MYO3B: variants seen among roughly 807,000 people sequenced by gnomAD.
MYO3B encodes myosin-IIIb.
MYO3B carries 156 observed loss-of-function variants against 174.6 expected under a neutral mutation model. The ratio of observed to expected loss-of-function variants is 0.89; its 90% CI spans 0.78 to 1.02. MYO3B has a LOEUF of 1.02. Among genes scored for constraint, MYO3B ranks in the 50% least tolerant of loss-of-function variants. The pLI is 0.00. For synonymous variants in MYO3B, 563 were observed against 569.1 expected (o/e 0.99, Z 0.15); for missense variants, 1,632 against 1,639.4 (o/e 1.00, Z 0.08).
At chr2:170,225,722 A>T (rs1283145385) in intron 6 of MYO3B, among the ~76,000 whole-genome samples, 1 of 152,206 alleles carries the variant, frequency 6.6e-6, no homozygotes, top group Non-Finnish European at 1.5e-5. Flanking sequence ...CCTGCTACCC[A>T]TATAACCAGT....
At chr2:170,602,892 C>A (rs528472532) in intron 32 of MYO3B, among the ~76,000 whole-genome samples, 1 of 152,174 alleles carries the variant, frequency 6.6e-6, no homozygotes, top group East Asian at 1.9e-4. Context: ...CATGGAGAAA[C>A]CCTGTCTCTA....
chr2:170,585,567 T>C (rs7566376), intron 32 of MYO3B, among the ~76,000 whole-genome samples: 15,364 of 152,082 alleles, frequency 0.1, 935 homozygotes, highest in African/African-American at 0.18. Context: ...TAGGCACAGG[T>C]ACTTTCTTGG....
intron 34 of MYO3B, 117 bp downstream of exon 34, chr2:170,652,271 C>A: frequency 2.4e-6 from 2 of 819,426 alleles, no homozygotes; most frequent in South Asian, 3.4e-5. Context: ...CCAGATATTG[C>A]CACTCTTATT....
At chr2:170,207,087 G>A (rs2092720665) in intron 3 of MYO3B, among the ~76,000 whole-genome samples, 1 of 152,120 alleles carries the variant, frequency 6.6e-6, no homozygotes, top group Non-Finnish European at 1.5e-5. Flanking sequence ...GACACCCCTT[G>A]TTATCAAGAG....
chr2:170,619,435 A>AG (rs1322387010), intron 32 of MYO3B, among the ~76,000 whole-genome samples: 31 of 152,186 alleles, frequency 2.0e-4, no homozygotes, highest in Admixed American at 2.0e-3. Context: ...CAATAGTTTC[A>AG]GGGGGTCTCC....
intron 7 of MYO3B, among the ~76,000 whole-genome samples, chr2:170,275,820 A>G (rs2105379641): frequency 6.6e-6 from 1 of 152,320 alleles, no homozygotes; most frequent in South Asian, 2.1e-4. Context: ...TTTACCTTAA[A>G]TGATAGTGTT....
intron 7 of MYO3B, among the ~76,000 whole-genome samples, chr2:170,326,081 C>T (rs71415208): frequency 0.074 from 11,245 of 151,748 alleles, 755 homozygotes; most frequent in Admixed American, 0.21. Context: ...TTAACTATAC[C>T]CCGGCCCTCC....
intron 14 of MYO3B, among the ~76,000 whole-genome samples, chr2:170,388,145 A>T (rs1188009485): frequency 6.6e-6 from 1 of 152,230 alleles, no homozygotes; most frequent in South Asian, 2.1e-4. Context: ...ATATTAATGC[A>T]TTATTGAATC....
intron 7 of MYO3B, among the ~76,000 whole-genome samples, chr2:170,299,211 T>A (rs1189390828): frequency 1.3e-5 from 2 of 152,192 alleles, no homozygotes; most frequent in Non-Finnish European, 2.9e-5. Context: ...GAGGGAAGGA[T>A]AGTGTCTTAA....
chr2:170,241,605 G>C (rs1165830593), intron 7 of MYO3B, among the ~76,000 whole-genome samples: 1 of 152,190 alleles, frequency 6.6e-6, no homozygotes, highest in Non-Finnish European at 1.5e-5. Context: ...GTGAAACGGA[G>C]AGAGTTTGGA....
Position 170,652,893 on chromosome 2 carries a change from C to T in MYO3B, c.3888-90C>T. The T allele has an allele frequency of 2.1e-6, 3 of 1,462,424 alleles. No individual in the cohort carries two copies. In the South Asian group the frequency reaches 3.7e-5, roughly 18 times the overall value. 90.6% of individuals were successfully genotyped at this position (1,462,424 alleles called of 1,614,324 possible). A position where few individuals can be genotyped will look rare whatever the true frequency, so the allele number is the denominator to read the frequency against. Reference sequence around the variant, plus strand: ...CCAGTGTTGGAGCCCAACCCTGTTCCAGCTACTCACATGACTTTAGCTGCC... The same window carrying T: ...CCAGTGTTGGAGCCCAACCCTGTTCTAGCTACTCACATGACTTTAGCTGCC... On this transcript the variant is annotated intron_variant, in intron 34 of 34. Coordinates refer to ENST00000408978, the MANE Select transcript of MYO3B (RefSeq NM_138995.5).
rs1404392100 is a variant in MYO3B at position 170,602,492 on chromosome 2, A to G, written c.3734-49136A>G. ...ACTTATAACAAAGTTTTGAATGCAGAGTGAATCACTGTTAATAGGATTTGT... is the reference window on the plus strand; with the variant it reads ...ACTTATAACAAAGTTTTGAATGCAGGGTGAATCACTGTTAATAGGATTTGT... On this transcript the variant is annotated intron_variant, in intron 32 of 34. Transcript: ENST00000408978. Among the ~76,000 whole-genome samples the G allele has an allele frequency of 6.1e-4, 93 of 152,204 alleles. 1 individual carries two copies. Among genetic ancestry groups the G allele is most frequent in the Admixed American group, 6.1e-3 (93 of 15,282 alleles).
At chr2:170,407,878 A>C in intron 22 of MYO3B, 34 bp downstream of exon 22, 1 of 1,610,908 alleles carries the variant, frequency 6.2e-7, no homozygotes, top group East Asian at 2.2e-5. Context: ...CCTGCTCTTA[A>C]AGCTTTTGCA....
intron 30 of MYO3B, among the ~76,000 whole-genome samples, chr2:170,538,648 G>A (rs1689880617): frequency 6.6e-6 from 1 of 152,132 alleles, no homozygotes; most frequent in Non-Finnish European, 1.5e-5. Context: ...TTGTCTGGGG[G>A]CTTTTTCAGG....
chr2:170,396,474 C>A (rs2094442508), intron 16 of MYO3B, among the ~76,000 whole-genome samples: 1 of 151,922 alleles, frequency 6.6e-6, no homozygotes. Flanking sequence ...CTGATGGAGT[C>A]AAGTGGATGG....
intron 24 of MYO3B, 110 bp from the exon 25 acceptor site, chr2:170,466,396 A>G (rs1684631824): frequency 1.1e-6 from 1 of 919,788 alleles, no homozygotes. Flanking sequence ...GTTCTTCCTC[A>G]AGAAGGTCTG....
intron 7 of MYO3B, among the ~76,000 whole-genome samples, chr2:170,317,368 G>A (rs972676141): frequency 6.6e-6 from 1 of 152,126 alleles, no homozygotes; most frequent in African/African-American, 2.4e-5. Context: ...CAGATTCCTG[G>A]GCCCTGTTCC....
At chr2:170,203,149 A>T (rs1417076241) in intron 3 of MYO3B, among the ~76,000 whole-genome samples, 1 of 152,206 alleles carries the variant, frequency 6.6e-6, no homozygotes, top group Non-Finnish European at 1.5e-5. Flanking sequence ...TTAAAAATCT[A>T]TAAGTCCGCC....
intron 25 of MYO3B, among the ~76,000 whole-genome samples, chr2:170,491,566 T>C (rs567029137): frequency 1.6e-4 from 24 of 152,198 alleles, no homozygotes; most frequent in South Asian, 4.1e-4. Flanking sequence ...GCTGGGACTA[T>C]AGGTGCCCGC....
Sources: gnomAD v4.1 joint callset for allele counts (sites outside exome capture counted in the v4.1 genomes callset) on GRCh38, gnomAD v4.1.1 for gene constraint, MANE v1.5 for transcripts, NCBI Gene and HGNC (gene_info 2026-07-23, HGNC 2026-07-21) for gene names.